Variants in RIT2 observed in about 807,000 individuals in gnomAD.
The protein encoded by RIT2 is GTP-binding protein Rit2.
RIT2 carries 24 observed loss-of-function variants against 23.7 expected under a neutral mutation model. The observed-to-expected ratio is 1.01, with a 90% CI of 0.73 to 1.43. The LOEUF is 1.43. Ranked by LOEUF, RIT2 falls within the 40% of genes most tolerant of loss-of-function variation. The pLI is 0.00. For synonymous variants in RIT2, 107 were observed against 91.1 expected (o/e 1.17, Z -0.99); for missense variants, 236 against 266.9 (o/e 0.88, Z 0.81).
chr18:42,923,789 GT>G, intron 3 of RIT2, 26 bp from the exon 4 acceptor site: 1 of 1,379,108 alleles, frequency 7.3e-7, no homozygotes. Context: ...AAAAAAATTA[GT>G]TATGGGCTTT....
At chr18:42,880,282 C>T (rs1415736688) in intron 4 of RIT2, among the ~76,000 whole-genome samples, 2 of 152,132 alleles carry the variant, frequency 1.3e-5, no homozygotes, top group East Asian at 1.9e-4. Flanking sequence ...ACTTCTAGAG[C>T]ATAAATCAAT....
At chr18:42,912,081 A>T (rs1196514516) in intron 4 of RIT2, among the ~76,000 whole-genome samples, 3 of 151,856 alleles carry the variant, frequency 2.0e-5, no homozygotes, top group Non-Finnish European at 4.4e-5. Context: ...TATGTATAAT[A>T]ATGCACTATG....
intron 2 of RIT2, among the ~76,000 whole-genome samples, chr18:43,015,124 G>A (rs1487557629): frequency 6.6e-6 from 1 of 151,718 alleles, no homozygotes; most frequent in African/African-American, 2.4e-5. Flanking sequence ...TGTTGACACA[G>A]CACACTGTTT....
intron 3 of RIT2, among the ~76,000 whole-genome samples, chr18:42,949,768 T>C (rs1219051151): frequency 6.6e-6 from 1 of 152,014 alleles, no homozygotes; most frequent in Non-Finnish European, 1.5e-5. Context: ...TCTCCACTGA[T>C]GAAAACATCT....
At chr18:42,977,911 C>T (rs1170534287) in intron 2 of RIT2, among the ~76,000 whole-genome samples, 1 of 150,856 alleles carries the variant, frequency 6.6e-6, no homozygotes, top group Non-Finnish European at 1.5e-5. Context: ...TATTCCACTG[C>T]TCTTTGTACA....
At chr18:42,983,485 CA>C (rs977427495) in intron 2 of RIT2, among the ~76,000 whole-genome samples, 1 of 151,690 alleles carries the variant, frequency 6.6e-6, no homozygotes, top group Non-Finnish European at 1.5e-5. Context: ...GCATAGACTA[CA>C]AAAAAATGAA....
At chr18:42,788,119 G>A (rs931585558) in intron 4 of RIT2, among the ~76,000 whole-genome samples, 2 of 151,836 alleles carry the variant, frequency 1.3e-5, no homozygotes, top group Admixed American at 1.3e-4. Context: ...ATTACAATTT[G>A]CAAACAAAAA....
At chr18:42,763,448 C>T (rs1194486119) in intron 4 of RIT2, among the ~76,000 whole-genome samples, 7 of 123,902 alleles carry the variant, frequency 5.6e-5, no homozygotes, top group East Asian at 2.4e-4. Context: ...GGCAACAGAG[C>T]GAGACTCCGT....
intron 1 of RIT2, among the ~76,000 whole-genome samples, chr18:43,067,341 C>T (rs957677643): frequency 6.6e-6 from 1 of 152,102 alleles, no homozygotes. Context: ...TCTGAGCCCA[C>T]CATGAGTGGC....
intron 4 of RIT2, among the ~76,000 whole-genome samples, chr18:42,911,408 C>T (rs948005982): frequency 5.1e-4 from 78 of 151,722 alleles, no homozygotes; most frequent in African/African-American, 1.6e-3. Flanking sequence ...TCAATAAAAT[C>T]GGTAAACTTT....
intron 4 of RIT2, among the ~76,000 whole-genome samples, chr18:42,867,497 A>G (rs1041637760): frequency 1.3e-5 from 2 of 152,088 alleles, no homozygotes; most frequent in South Asian, 2.1e-4. Context: ...GTGATTGGGG[A>G]AAAAAATGCT....
chr18:42,758,118 A>G (rs1427627869), intron 4 of RIT2, among the ~76,000 whole-genome samples: 2 of 151,738 alleles, frequency 1.3e-5, no homozygotes, highest in African/African-American at 4.8e-5. Context: ...AGTCTCAACT[A>G]TTTTTAGTGC....
intron 4 of RIT2, among the ~76,000 whole-genome samples, chr18:42,868,219 C>T (rs564485169): frequency 6.6e-6 from 1 of 152,288 alleles, no homozygotes; most frequent in East Asian, 1.9e-4. Flanking sequence ...TGAATTCATG[C>T]ACATTGAGAA....
intron 2 of RIT2, among the ~76,000 whole-genome samples, chr18:43,028,858 T>C (rs555378980): frequency 1.1e-3 from 173 of 152,202 alleles, no homozygotes; most frequent in Non-Finnish European, 1.9e-3. Context: ...GGAGTGACTC[T>C]ATTAGTGTAC....
rs190254324 is a variant in RIT2 at position 42,855,097 on chromosome 18, A to G, written c.426+68475T>C. Among the ~76,000 whole-genome samples the G allele has an allele frequency of 2.7e-3, 414 of 152,308 alleles. 2 individuals carry two copies. The highest frequency in any genetic ancestry group is 9.5e-3 in the African/African-American group (394 of 41,572). ...GTGGGAAATCAGTCATCAGAATTAT[A>G]TATTATAAGTGTTCTCATTTCTAAA... On this transcript the variant is annotated intron_variant, in intron 4 of 4. Coordinates refer to ENST00000326695, the MANE Select transcript of RIT2 (RefSeq NM_002930.4).
intron 3 of RIT2, among the ~76,000 whole-genome samples, chr18:42,941,075 G>A (rs1008143491): frequency 2.0e-5 from 3 of 152,128 alleles, no homozygotes; most frequent in Non-Finnish European, 4.4e-5. Context: ...GCAGAAGAGA[G>A]GCTTTAAACA....
chr18:43,016,412 GA>G (rs1568056709), intron 2 of RIT2, among the ~76,000 whole-genome samples: 1 of 151,626 alleles, frequency 6.6e-6, no homozygotes, highest in East Asian at 1.9e-4. Context: ...TTACAAATAA[GA>G]AAAAAAGGCT....
chr18:42,861,417 G>A (rs1337694910), intron 4 of RIT2, among the ~76,000 whole-genome samples: 2 of 152,074 alleles, frequency 1.3e-5, no homozygotes, highest in African/African-American at 4.8e-5. Context: ...ACTCAATCAG[G>A]GACTGCCAGA....
intron 1 of RIT2, among the ~76,000 whole-genome samples, chr18:43,067,278 A>G (rs954760531): frequency 6.6e-6 from 1 of 152,156 alleles, no homozygotes; most frequent in African/African-American, 2.4e-5. Context: ...TCAATTGAAA[A>G]CAAGAACGTT....
Sources: allele counts gnomAD v4.1 joint callset (sites outside exome capture counted in the v4.1 genomes callset), GRCh38; gene constraint gnomAD v4.1.1; transcripts MANE v1.5; gene names NCBI Gene and HGNC (gene_info 2026-07-23, HGNC 2026-07-21).